Variants in KLF8 observed in about 807,000 individuals in gnomAD.
The protein encoded by KLF8 is KLF transcription factor 8.
A neutral mutation model predicts 18.2 loss-of-function variants in KLF8; 10 were observed. The observed-to-expected ratio is 0.55, with a 90% CI of 0.34 to 0.93. KLF8 has a LOEUF of 0.93. KLF8 is among the 40% of genes least tolerant of loss of function. The pLI is 0.02. For missense variants in KLF8, 264 were observed against 277.9 expected (o/e 0.95, Z 0.36); for synonymous variants, 109 against 97.3 (o/e 1.12, Z -0.71).
At chrX:56,136,752 A>G in the KLF8 span, among the ~76,000 whole-genome samples, 1 of 111,184 alleles carries the variant, frequency 9.0e-6, no homozygotes, top group African/African-American at 3.3e-5. Flanking sequence ...AAATTGACAA[A>G]TGGGATCTAA....
At chrX:56,223,594 T>C in the KLF8 span, among the ~76,000 whole-genome samples, 1 of 112,680 alleles carries the variant, frequency 8.9e-6, no homozygotes, top group East Asian at 2.8e-4. Flanking sequence ...ATGGATCACA[T>C]TTGTGGGTAA....
the KLF8 span, among the ~76,000 whole-genome samples, chrX:56,172,823 C>A: frequency 1.1e-4 from 12 of 111,701 alleles, no homozygotes; most frequent in Non-Finnish European, 5.6e-5. Context: ...TGGTATCTCA[C>A]TGTGGTTTTG....
At chrX:56,170,116 C>A in the KLF8 span, among the ~76,000 whole-genome samples, 1 of 111,134 alleles carries the variant, frequency 9.0e-6, no homozygotes, top group Non-Finnish European at 1.9e-5. Context: ...TCTAGAAAAA[C>A]CACAGCATTA....
the KLF8 span, among the ~76,000 whole-genome samples, chrX:56,166,125 A>T: frequency 1.2e-5 from 1 of 82,161 alleles, no homozygotes; most frequent in Non-Finnish European, 2.4e-5. Context: ...AAACAATCAT[A>T]TAAGTGCTTT....
At chrX:55,978,655 T>G in the KLF8 span, among the ~76,000 whole-genome samples, 2 of 111,664 alleles carry the variant, frequency 1.8e-5, no homozygotes, top group Non-Finnish European at 3.8e-5. Flanking sequence ...TTGTTTTACA[T>G]TTTTTAAAGG....
the KLF8 span, among the ~76,000 whole-genome samples, chrX:56,158,681 G>A: frequency 9.1e-6 from 1 of 110,476 alleles, no homozygotes; most frequent in Non-Finnish European, 1.9e-5. Context: ...TCATGATTTG[G>A]CTGTTTGTCT....
chrX:56,128,977 G>A, the KLF8 span, among the ~76,000 whole-genome samples: 1 of 100,373 alleles, frequency 1.0e-5, no homozygotes, highest in East Asian at 3.4e-4. Flanking sequence ...GAGAGAGAGA[G>A]AAAAATTACT....
At chrX:56,190,072 G>T in the KLF8 span, among the ~76,000 whole-genome samples, 4 of 110,381 alleles carry the variant, frequency 3.6e-5, no homozygotes, top group South Asian at 3.9e-4. Context: ...CTAGTGATTT[G>T]TTACCTGCAA....
the KLF8 span, among the ~76,000 whole-genome samples, chrX:56,029,261 CT>C: frequency 9.0e-6 from 1 of 111,189 alleles, no homozygotes; most frequent in Non-Finnish European, 1.9e-5. Flanking sequence ...ACCATGATAA[CT>C]CCTGTTCCCG....
chrX:56,170,534 A>T, the KLF8 span, among the ~76,000 whole-genome samples: 2 of 109,861 alleles, frequency 1.8e-5, no homozygotes, highest in Admixed American at 9.9e-5. Context: ...GAGCTAAAAC[A>T]TGAAGCCTAG....
chrX:56,103,429 C>T, the KLF8 span, among the ~76,000 whole-genome samples: 3 of 111,441 alleles, frequency 2.7e-5, no homozygotes, highest in African/African-American at 9.8e-5. Context: ...TCCTTCACAT[C>T]CCTTGTTAGT....
chrX:55,973,393 G>T, the KLF8 span, among the ~76,000 whole-genome samples: 5 of 111,959 alleles, frequency 4.5e-5, no homozygotes, highest in African/African-American at 1.6e-4. Flanking sequence ...CCTAGCAAAA[G>T]AAATGATCAC....
chrX:56,073,154 T>C, the KLF8 span, among the ~76,000 whole-genome samples: 163 of 109,986 alleles, frequency 1.5e-3, no homozygotes, highest in African/African-American at 5.3e-3. Context: ...GCCCAGCTAA[T>C]TTTTTGGTAT....
At chrX:56,058,279 C>CGTATATATACACATATAT in the KLF8 span, among the ~76,000 whole-genome samples, 1 of 7,311 alleles carries the variant, frequency 1.4e-4, no homozygotes, top group Non-Finnish European at 3.6e-4. Context: ...CATATATATA[C>CGTATATATACACATATAT]ATATATATAT....
the KLF8 span, among the ~76,000 whole-genome samples, chrX:56,028,899 G>A: frequency 1.8e-5 from 2 of 111,271 alleles, no homozygotes; most frequent in African/African-American, 6.6e-5. Context: ...CAGTAGCTTG[G>A]TTAACCAAGC....
chrX:56,161,660 G>A, the KLF8 span, among the ~76,000 whole-genome samples: 1 of 111,233 alleles, frequency 9.0e-6, no homozygotes, highest in African/African-American at 3.3e-5. Context: ...ATTCTAATTA[G>A]CCATTCGTGT....
chrX:55,984,705 T>C, the KLF8 span, among the ~76,000 whole-genome samples: 1 of 111,566 alleles, frequency 9.0e-6, no homozygotes, highest in African/African-American at 3.3e-5. Flanking sequence ...CGCCACACTC[T>C]CTTCCACAAT....
the KLF8 span, among the ~76,000 whole-genome samples, chrX:56,040,278 G>A: frequency 9.6e-4 from 107 of 111,525 alleles, no homozygotes; most frequent in African/African-American, 3.2e-3. Context: ...AGGAGTGGTG[G>A]GAGAGGGCAT....
chrX:56,209,980 G>A, the KLF8 span, among the ~76,000 whole-genome samples: 1 of 111,645 alleles, frequency 9.0e-6, no homozygotes, highest in Non-Finnish European at 1.9e-5. Context: ...GTTTCTATTT[G>A]TAACTTATTC....
Sources: gnomAD v4.1 joint callset for allele counts (sites outside exome capture counted in the v4.1 genomes callset) on GRCh38, gnomAD v4.1.1 for gene constraint, MANE v1.5 for transcripts, NCBI Gene and HGNC (gene_info 2026-07-23, HGNC 2026-07-21) for gene names.